CSTPP1: variants seen among roughly 807,000 people sequenced by gnomAD.
The protein encoded by CSTPP1 is centriolar satellite-associated tubulin polyglutamylase complex regulator 1.
the CSTPP1 span, among the ~76,000 whole-genome samples, chr11:47,132,713 G>A: frequency 6.6e-6 from 1 of 152,182 alleles, no homozygotes; most frequent in Non-Finnish European, 1.5e-5. Context: ...CCTGCCTGAA[G>A]GGTACCTGTA....
the CSTPP1 span, among the ~76,000 whole-genome samples, chr11:47,007,758 T>G: frequency 6.6e-6 from 1 of 152,158 alleles, no homozygotes. Context: ...GTTATCTTTC[T>G]TCGGAGGGGA....
chr11:46,946,600 G>A, the CSTPP1 span, among the ~76,000 whole-genome samples: 1 of 152,248 alleles, frequency 6.6e-6, no homozygotes, highest in Admixed American at 6.5e-5. Flanking sequence ...GGAGCTTGCA[G>A]TGAGCCGAGA....
chr11:46,993,686 AG>A, the CSTPP1 span, among the ~76,000 whole-genome samples: 1 of 152,056 alleles, frequency 6.6e-6, no homozygotes, highest in Non-Finnish European at 1.5e-5. Context: ...GTAGCCTTGT[AG>A]TATAGTTTGA....
the CSTPP1 span, among the ~76,000 whole-genome samples, chr11:47,006,425 G>A: frequency 1.3e-5 from 2 of 152,076 alleles, no homozygotes; most frequent in Non-Finnish European, 2.9e-5. Flanking sequence ...GTTTTTGATA[G>A]TTTTAGTGTA....
chr11:47,000,384 G>A, the CSTPP1 span, among the ~76,000 whole-genome samples: 1 of 152,166 alleles, frequency 6.6e-6, no homozygotes, highest in Admixed American at 6.5e-5. Context: ...TAAATTGATA[G>A]TTCCAACACT....
chr11:47,065,862 G>A, the CSTPP1 span, among the ~76,000 whole-genome samples: 1 of 151,790 alleles, frequency 6.6e-6, no homozygotes, highest in Non-Finnish European at 1.5e-5. Flanking sequence ...ACCTGCTTCA[G>A]CCTCCCAAAT....
the CSTPP1 span, among the ~76,000 whole-genome samples, chr11:47,097,440 C>T: frequency 2.2e-5 from 1 of 44,718 alleles, no homozygotes; most frequent in Non-Finnish European, 4.8e-5. Context: ...CCGCCCCGTC[C>T]GGGAGGGAGG....
At chr11:47,045,059 TATA>T in the CSTPP1 span, among the ~76,000 whole-genome samples, 1 of 152,162 alleles carries the variant, frequency 6.6e-6, no homozygotes, top group Non-Finnish European at 1.5e-5. Context: ...TTATATGAAT[TATA>T]AGAATGATTA....
chr11:46,937,157 G>A, the CSTPP1 span, among the ~76,000 whole-genome samples: 1 of 152,216 alleles, frequency 6.6e-6, no homozygotes, highest in Non-Finnish European at 1.5e-5. Context: ...TGGTAGTGGA[G>A]TAAGAATAAC....
the CSTPP1 span, among the ~76,000 whole-genome samples, chr11:47,085,402 A>G: frequency 1.3e-5 from 2 of 152,138 alleles, no homozygotes; most frequent in Non-Finnish European, 2.9e-5. Context: ...TATCATATTA[A>G]TGAATGAAAG....
the CSTPP1 span, among the ~76,000 whole-genome samples, chr11:46,954,372 A>C: frequency 1.3e-5 from 2 of 152,028 alleles, no homozygotes; most frequent in Non-Finnish European, 2.9e-5. Flanking sequence ...AATGTGGTGA[A>C]ACCCCATTTC....
the CSTPP1 span, among the ~76,000 whole-genome samples, chr11:47,095,025 TA>T: frequency 6.6e-6 from 1 of 152,212 alleles, no homozygotes; most frequent in African/African-American, 2.4e-5. Flanking sequence ...TGATTTGACT[TA>T]AAAATTGCTT....
the CSTPP1 span, among the ~76,000 whole-genome samples, chr11:47,005,661 T>C: frequency 1.3e-5 from 2 of 152,154 alleles, no homozygotes; most frequent in Non-Finnish European, 2.9e-5. Context: ...GTTAAGAACA[T>C]GGACTTTGGA....
the CSTPP1 span, chr11:47,155,217 T>C: frequency 3.7e-6 from 6 of 1,614,054 alleles, no homozygotes; most frequent in South Asian, 5.5e-5. Context: ...TTGATGTCTT[T>C]TTCAGATTTC....
the CSTPP1 span, among the ~76,000 whole-genome samples, chr11:47,006,745 C>T: frequency 9.4e-5 from 14 of 149,298 alleles, no homozygotes; most frequent in African/African-American, 3.5e-4. Context: ...CACGCCACCA[C>T]ACTCAGCTAA....
the CSTPP1 span, among the ~76,000 whole-genome samples, chr11:47,122,716 A>G: frequency 6.6e-6 from 1 of 151,978 alleles, no homozygotes; most frequent in Non-Finnish European, 1.5e-5. Context: ...AATAGCTGGG[A>G]TTACAGGTGT....
chr11:46,986,964 C>G, the CSTPP1 span, among the ~76,000 whole-genome samples: 13 of 152,216 alleles, frequency 8.5e-5, no homozygotes, highest in African/African-American at 3.1e-4. Flanking sequence ...AGGGTTGATG[C>G]TAATACTAAC....
the CSTPP1 span, chr11:47,161,181 TG>T: frequency 2.3e-5 from 37 of 1,614,110 alleles, no homozygotes; most frequent in Non-Finnish European, 3.0e-5. Flanking sequence ...GATGAAGAGC[TG>T]GAACGGCTGT....
chr11:47,058,465 C>T, the CSTPP1 span, among the ~76,000 whole-genome samples: 3 of 151,918 alleles, frequency 2.0e-5, no homozygotes, highest in African/African-American at 7.3e-5. Flanking sequence ...TAACAAGGAC[C>T]TTAAAATAGT....
Sources: gnomAD v4.1 joint callset for allele counts (sites outside exome capture counted in the v4.1 genomes callset) on GRCh38, gnomAD v4.1.1 for gene constraint, MANE v1.5 for transcripts, NCBI Gene and HGNC (gene_info 2026-07-23, HGNC 2026-07-21) for gene names.